DCTN5: variants seen among roughly 807,000 people sequenced by gnomAD.
The protein encoded by DCTN5 is dynactin subunit 5.
DCTN5 carries 14 observed loss-of-function variants against 23.5 expected under a neutral mutation model. The ratio of observed to expected loss-of-function variants is 0.60; its 90% CI spans 0.39 to 0.93. DCTN5 has a LOEUF of 0.93. Ranked by LOEUF, DCTN5 falls within the 40% of genes least tolerant of loss-of-function variation. DCTN5 has a pLI of 0.00. For synonymous variants in DCTN5, 67 were observed against 79.6 expected, an observed-to-expected ratio of 0.84 and a Z score of 0.84; for missense variants, 156 against 225.9, an observed-to-expected ratio of 0.69 and a Z score of 1.98.
In DCTN5 at chr16:23,676,268, G is replaced by T. The variant is rs1959224412; in HGVS notation, c.*9124G>T. ...TCATGCCTGTAATCCCGGCACTTTG[G>T]GAGGCTGAGGTGGGCAGATCACCTG... On this transcript the variant is annotated 3_prime_UTR_variant, in exon 6 of 6. Transcript: ENST00000300087. The T allele has an allele frequency of 6.6e-6, 1 of 152,010 alleles. No individual in the cohort carries two copies. Among genetic ancestry groups the T allele is most frequent in the South Asian group, 2.1e-4 (1 of 4,818 alleles). The allele number at this position is 152,010 out of a possible 1,614,324, so 9.4% of individuals were successfully genotyped here.
intron 2 of DCTN5, among the ~76,000 whole-genome samples, chr16:23,655,092 A>C (rs886741765): frequency 6.6e-6 from 1 of 152,166 alleles, no homozygotes; most frequent in African/African-American, 2.4e-5. Flanking sequence ...CTTTTATGTC[A>C]AGCTTTTTTC....
At chr16:23,644,884 A>G (rs924683490) in intron 2 of DCTN5, among the ~76,000 whole-genome samples, 1 of 143,326 alleles carries the variant, frequency 7.0e-6, no homozygotes, top group East Asian at 2.2e-4. Context: ...GGCTTCAAGG[A>G]TTCTCATGCC....
chr16:23,666,835 G>C (rs1235475467), intron 5 of DCTN5: 4 of 661,330 alleles, frequency 6.0e-6, no homozygotes, highest in Non-Finnish European at 9.8e-6. Flanking sequence ...GGAGGAAGGA[G>C]AGACTTTTGT....
Position 23,671,396 on chromosome 16 carries a change from A to G in DCTN5, c.*4252A>G, listed in dbSNP as rs1968005281. The G allele has an allele frequency of 6.6e-6, 1 of 152,218 alleles. No homozygotes were observed. Among genetic ancestry groups the G allele is most frequent in the African/African-American group, 2.4e-5 (1 of 41,458 alleles). 9.4% of individuals were successfully genotyped at this position (152,218 alleles called of 1,614,324 possible). ...CTTACATATTTTTAAAATTTAAAAT[A>G]AAATTTAAAACATCTTGCCCTTTAT... On this transcript the variant is annotated 3_prime_UTR_variant, in exon 6 of 6. Transcript: ENST00000300087.
At position 23,668,076 on chromosome 16, in the gene DCTN5, A is replaced by G. The variant is rs1967939103; in HGVS notation, c.*932A>G. 1 of 152,242 alleles carries G rather than the reference A, an allele frequency of 6.6e-6. No individual in the cohort carries two copies. The highest frequency in any genetic ancestry group is 1.5e-5 in the Non-Finnish European group (1 of 68,050). 9.4% of individuals were successfully genotyped at this position (152,242 alleles called of 1,614,324 possible). ...GGGCTCTTAGAATCAGTTTGTGGGC[A>G]CAGAGCCTCAGGAGTAAATGAAGTT... On this transcript the variant is annotated 3_prime_UTR_variant, in exon 6 of 6. Transcript: ENST00000300087.
chr16:23,642,683 CA>C, intron 1 of DCTN5: 1 of 344,636 alleles, frequency 2.9e-6, no homozygotes, highest in Non-Finnish European at 5.3e-6. Context: ...GAAGGGGTCT[CA>C]CTATGTTGCC....
chr16:23,669,629 G>A lies in DCTN5; in HGVS notation c.*2485G>A, dbSNP rs1967971593. The A allele has an allele frequency of 6.6e-6, 1 of 152,576 alleles. No homozygotes were observed. The highest frequency in any genetic ancestry group is 1.5e-5 in the Non-Finnish European group (1 of 68,408). The allele number at this position is 152,576 out of a possible 1,614,324, so 9.5% of individuals were successfully genotyped here. A position where few individuals can be genotyped will look rare whatever the true frequency, so the allele number is the denominator to read the frequency against. ...TGAAGAAGGGACGAATGGGTGCTGG[G>A]CAGGACAAAGCATCAGCTGTCCAGT... On this transcript the variant is annotated 3_prime_UTR_variant, in exon 6 of 6. Coordinates refer to ENST00000300087, the MANE Select transcript of DCTN5 (RefSeq NM_032486.4).
rs1967991427 is a variant in DCTN5 at position 23,670,745 on chromosome 16, A to G, written c.*3601A>G. The G allele has an allele frequency of 6.6e-6, 1 of 152,174 alleles. No individual in the cohort carries two copies. The highest frequency in any genetic ancestry group is 2.4e-5 in the African/African-American group (1 of 41,412). 9.4% of individuals were successfully genotyped at this position (152,174 alleles called of 1,614,324 possible). On this transcript the variant is annotated 3_prime_UTR_variant, in exon 6 of 6. Coordinates refer to ENST00000300087, the MANE Select transcript of DCTN5 (RefSeq NM_032486.4). Reference sequence around the variant, plus strand: ...TCAGCAAAATGTCTCGCCAACTTCTACAGTTCCCATAAGTACATGATAACT... The same window carrying G: ...TCAGCAAAATGTCTCGCCAACTTCTGCAGTTCCCATAAGTACATGATAACT...
intron 2 of DCTN5, among the ~76,000 whole-genome samples, chr16:23,647,062 G>T (rs1037804541): frequency 6.6e-6 from 1 of 151,612 alleles, no homozygotes; most frequent in Non-Finnish European, 1.5e-5. Flanking sequence ...AATTCTATTT[G>T]GTTGGTCTGT....
intron 2 of DCTN5, chr16:23,650,987 C>A: frequency 7.2e-7 from 1 of 1,393,728 alleles, no homozygotes. Context: ...TTTTCAAAAG[C>A]AACTGGAAAT....
intron 3 of DCTN5, 60 bp downstream of exon 3, chr16:23,658,685 T>G (rs1285654875): frequency 1.5e-6 from 2 of 1,323,262 alleles, no homozygotes; most frequent in Non-Finnish European, 2.2e-6. Context: ...GGTGGTGTGG[T>G]CCATGTGTTG....
chr16:23,651,899 A>T (rs1270802937), intron 2 of DCTN5, among the ~76,000 whole-genome samples: 1 of 152,080 alleles, frequency 6.6e-6, no homozygotes, highest in Non-Finnish European at 1.5e-5. Flanking sequence ...GCCTAGTGTG[A>T]TGGCATGCGC....
In DCTN5 at chr16:23,673,619, A is replaced by G. The variant is rs532423956; in HGVS notation, c.*6475A>G. 1 of 152,344 alleles carries G rather than the reference A, an allele frequency of 6.6e-6. No homozygotes were observed. The highest frequency in any genetic ancestry group is 1.9e-4 in the East Asian group (1 of 5,190). 9.4% of individuals were successfully genotyped at this position (152,344 alleles called of 1,614,324 possible). On this transcript the variant is annotated 3_prime_UTR_variant, in exon 6 of 6. Coordinates refer to ENST00000300087, the MANE Select transcript of DCTN5 (RefSeq NM_032486.4). The stretch of plus-strand genomic sequence containing the variant: ...AAGTTTTATGCTTGTTAATTTCATA[A>G]ATGCTAGAGGGATCACCCTAATCAA...
chr16:23,644,402 G>A (rs1432636035), intron 2 of DCTN5, among the ~76,000 whole-genome samples: 1 of 148,196 alleles, frequency 6.7e-6, no homozygotes, highest in African/African-American at 2.5e-5. Context: ...CCAGGCTCAC[G>A]CCATTCTCCT....
At chr16:23,654,379 A>G (rs1480447370) in intron 2 of DCTN5, among the ~76,000 whole-genome samples, 1 of 152,160 alleles carries the variant, frequency 6.6e-6, no homozygotes, top group Non-Finnish European at 1.5e-5. Context: ...TTGCAGGGAC[A>G]TGGATGGAGC....
intron 2 of DCTN5, among the ~76,000 whole-genome samples, chr16:23,650,480 A>ATT (rs528424379): frequency 0.053 from 7,110 of 133,828 alleles, 361 homozygotes; most frequent in African/African-American, 0.12. Context: ...CACCTGGCTA[A>ATT]TTTTTTTTTT....
At position 23,641,682 on chromosome 16, in the gene DCTN5, C is replaced by T. The variant is rs186518949; in HGVS notation, c.48+92C>T. ...TCCCAACCTGCCCCTACCCCACCAA[C>T]CCCTGTCCCTTTGGCCATTAGTCCC... On this transcript the variant is annotated intron_variant, in intron 1 of 5. Transcript: ENST00000300087. The T allele has an allele frequency of 4.3e-5, 58 of 1,346,296 alleles. No individual in the cohort carries two copies. In the Admixed American group the frequency reaches 6.5e-4, roughly 15 times the overall value. 83.4% of individuals were successfully genotyped at this position (1,346,296 alleles called of 1,614,324 possible).
chr16:23,641,667 C>G, intron 1 of DCTN5, 77 bp downstream of exon 1: 2 of 1,477,430 alleles, frequency 1.4e-6, no homozygotes, highest in Non-Finnish European at 1.9e-6. Context: ...TCCCAACCTG[C>G]CCCTACCCCA....
chr16:23,651,092 A>G (rs775108300), intron 2 of DCTN5: 255 of 1,340,940 alleles, frequency 1.9e-4, no homozygotes, highest in Non-Finnish European at 2.2e-4. Context: ...CCTGTAGGAG[A>G]TAGCTAAAAA....
Sources: allele counts gnomAD v4.1 joint callset (sites outside exome capture counted in the v4.1 genomes callset), GRCh38; gene constraint gnomAD v4.1.1; transcripts MANE v1.5; gene names NCBI Gene and HGNC (gene_info 2026-07-23, HGNC 2026-07-21).